The following SMYD3 variants were observed in gnomAD, a reference collection of about 807,000 sequenced individuals.
SMYD3 encodes histone-lysine N-methyltransferase SMYD3.
Under a neutral mutation model 57.7 loss-of-function variants are expected in SMYD3, and 36 were observed. The observed-to-expected ratio is 0.62, with a 90% confidence interval of 0.48 to 0.82. The LOEUF (loss-of-function observed/expected upper bound fraction) is 0.82, where lower values mean the gene tolerates loss of function less well. SMYD3 is among the 40% of genes least tolerant of loss of function. The pLI, the probability that SMYD3 is intolerant of heterozygous loss-of-function variation, is 0.00. For missense variants in SMYD3, 515 were observed against 538.8 expected (o/e 0.96, Z 0.44); for synonymous variants, 211 against 195.0 (o/e 1.08, Z -0.68).
intron 7 of SMYD3, among the ~76,000 whole-genome samples, chr1:245,920,211 G>A (rs1397470876): frequency 6.6e-6 from 1 of 151,922 alleles, no homozygotes; most frequent in Non-Finnish European, 1.5e-5. Context: ...TACTCGGGAG[G>A]CAGAGGCAGG....
At chr1:246,444,273 G>C (rs543153024) in intron 1 of SMYD3, among the ~76,000 whole-genome samples, 1 of 152,066 alleles carries the variant, frequency 6.6e-6, no homozygotes, top group African/African-American at 2.4e-5. Context: ...TTACAGGCAT[G>C]TGCCACCACG....
At chr1:246,088,868 C>T (rs922239331) in intron 5 of SMYD3, among the ~76,000 whole-genome samples, 2 of 152,152 alleles carry the variant, frequency 1.3e-5, no homozygotes, top group African/African-American at 4.8e-5. Flanking sequence ...TTTATGTGTA[C>T]ATACACACAC....
chr1:245,999,972 G>A (rs1278167863), intron 5 of SMYD3, among the ~76,000 whole-genome samples: 1 of 152,188 alleles, frequency 6.6e-6, no homozygotes, highest in African/African-American at 2.4e-5. Flanking sequence ...TTGAATCCTA[G>A]TTCCTCTTTT....
intron 5 of SMYD3, among the ~76,000 whole-genome samples, chr1:246,231,140 C>T (rs1353019695): frequency 6.6e-6 from 1 of 152,172 alleles, no homozygotes; most frequent in Non-Finnish European, 1.5e-5. Flanking sequence ...TGCTCGGATG[C>T]TTGTCTTCAT....
chr1:246,257,380 G>T (rs2063915185), intron 5 of SMYD3, among the ~76,000 whole-genome samples: 1 of 152,126 alleles, frequency 6.6e-6, no homozygotes, highest in Non-Finnish European at 1.5e-5. Flanking sequence ...TTGTTGAATT[G>T]AATCCTCTAT....
intron 1 of SMYD3, among the ~76,000 whole-genome samples, chr1:246,437,853 A>G (rs2103016078): frequency 6.6e-6 from 1 of 152,360 alleles, no homozygotes; most frequent in African/African-American, 2.4e-5. Context: ...ATGCATGTGG[A>G]CATAAATTAT....
rs2062932280 is a variant in SMYD3 at position 246,202,152 on chromosome 1, T to C, written c.531+125049A>G. Among the ~76,000 whole-genome samples, 1 of 152,214 alleles carries C rather than the reference T, an allele frequency of 6.6e-6. No homozygotes were observed. The highest frequency in any genetic ancestry group is 1.5e-5 in the Non-Finnish European group (1 of 68,036). ...ATGGGTGATTTTTATTTAATACTTT[T>C]ACTTAACGATATTTTCTATAATGTA... is the stretch of plus-strand genomic sequence containing the variant. On this transcript the variant is annotated intron_variant, in intron 5 of 11. Transcript: ENST00000490107. This position sits in a 1 kb window ranked among gnomAD's most constrained non-coding sequence, Gnocchi z 4.1.
chr1:245,948,237 C>T (rs1355142179), intron 5 of SMYD3, among the ~76,000 whole-genome samples: 5 of 152,006 alleles, frequency 3.3e-5, no homozygotes, highest in Admixed American at 6.6e-5. Context: ...AACAGCAGGA[C>T]GGAATCGCAA....
chr1:246,054,628 A>C (rs1446623479), intron 5 of SMYD3, among the ~76,000 whole-genome samples: 1 of 152,168 alleles, frequency 6.6e-6, no homozygotes, highest in Non-Finnish European at 1.5e-5. Context: ...AGTTGGATGT[A>C]AGGGTACATA....
chr1:246,327,138 A>AATATGT (rs2065367461), intron 5 of SMYD3, 63 bp downstream of exon 5: 1 of 1,602,100 alleles, frequency 6.2e-7, no homozygotes, highest in Non-Finnish European at 8.5e-7. Context: ...TTTGTAACTA[A>AATATGT]CAACAAAATA....
intron 5 of SMYD3, among the ~76,000 whole-genome samples, chr1:246,093,856 T>C (rs1041306886): frequency 2.0e-5 from 3 of 152,092 alleles, no homozygotes; most frequent in Non-Finnish European, 2.9e-5. Flanking sequence ...ATTTAATATA[T>C]AAAAACAATC....
At chr1:246,376,983 C>G (rs1376915321) in intron 1 of SMYD3, among the ~76,000 whole-genome samples, 1 of 151,856 alleles carries the variant, frequency 6.6e-6, no homozygotes. Flanking sequence ...AACTGTAATC[C>G]CAGCTACTCA....
intron 1 of SMYD3, among the ~76,000 whole-genome samples, chr1:246,496,653 C>A (rs1290221671): frequency 6.6e-6 from 1 of 152,020 alleles, no homozygotes; most frequent in East Asian, 1.9e-4. Context: ...CATGGTGAAA[C>A]CCCATCTCTA....
At position 246,335,371 on chromosome 1, in the gene SMYD3, T is replaced by C. The variant is rs746988583; in HGVS notation, c.332A>G (p.Lys111Arg). The C allele has an allele frequency of 1.2e-6, 2 of 1,613,950 alleles. No homozygotes were observed. Among genetic ancestry groups the C allele is most frequent in the Non-Finnish European group, 1.7e-6 (2 of 1,179,834 alleles). The change falls in exon 3 of 12, where the codon AAA becomes AGA. Residue 111 changes from lysine (K) to arginine (R), a missense_variant. By Grantham distance (26) the Lys-to-Arg change is conservative (BLOSUM62 2). Coordinates refer to ENST00000490107, the MANE Select transcript of SMYD3 (RefSeq NM_001167740.2). ...SVRLLGRVVF[K>R]LMDGAPSESE... is the part of the protein sequence containing the mutation. The stretch of plus-strand genomic sequence containing the variant: ...TTTCATGAGTTTTATACTCACAAGT[T>C]TGAAGACAACTCTGCCAAGAAGTCG...
chr1:246,408,906 A>G (rs1558450103), intron 1 of SMYD3, among the ~76,000 whole-genome samples: 1 of 152,058 alleles, frequency 6.6e-6, no homozygotes, highest in Non-Finnish European at 1.5e-5. Flanking sequence ...CTGACCTCAA[A>G]TGATCTGCCC....
intron 5 of SMYD3, among the ~76,000 whole-genome samples, chr1:246,117,713 A>G (rs1042113341): frequency 6.6e-6 from 1 of 152,198 alleles, no homozygotes; most frequent in South Asian, 2.1e-4. Context: ...TCCAGGGTAC[A>G]TGTGCAGGAT....
intron 1 of SMYD3, among the ~76,000 whole-genome samples, chr1:246,461,605 T>C (rs1416754236): frequency 1.3e-5 from 2 of 151,106 alleles, no homozygotes; most frequent in Non-Finnish European, 2.9e-5. Context: ...AGAAAAAATA[T>C]GTAAAAAAAA....
chr1:246,123,571 AAC>A (rs557543331), intron 5 of SMYD3, among the ~76,000 whole-genome samples: 6,477 of 129,356 alleles, frequency 0.05, 170 homozygotes, highest in South Asian at 0.11. Context: ...TCCATCTCAA[AAC>A]ACACACACAC....
At chr1:245,794,256 A>G (rs553833654) in intron 10 of SMYD3, among the ~76,000 whole-genome samples, 2 of 152,348 alleles carry the variant, frequency 1.3e-5, no homozygotes, top group East Asian at 3.9e-4. Context: ...CTTGTAATAC[A>G]CATTCTTTTT....
Sources: allele counts gnomAD v4.1 joint callset (sites outside exome capture counted in the v4.1 genomes callset), GRCh38; gene constraint gnomAD v4.1.1; non-coding constraint Gnocchi (gnomAD v3.1); transcripts MANE v1.5; gene names NCBI Gene and HGNC (gene_info 2026-07-23, HGNC 2026-07-21).